The following CPLANE1 variants were observed in gnomAD, a reference collection of about 807,000 sequenced individuals.
CPLANE1 encodes the protein ciliogenesis and planar polarity effector complex subunit 1, also known as ciliogenesis and planar polarity effector 1.
In CPLANE1, 263 loss-of-function variants were observed where a neutral mutation model predicts 362.5. That is an observed-to-expected ratio of 0.73 (90% CI 0.66 to 0.80). CPLANE1 has a LOEUF of 0.80. Among genes scored for constraint, CPLANE1 ranks in the 30% least tolerant of loss-of-function variants. The probability of loss-of-function intolerance (pLI) is 0.00; values close to 1 mark genes in which losing one functional copy is unlikely to be tolerated. For missense variants in CPLANE1, 3,461 were observed against 3,793.4 expected (o/e 0.91, Z 2.30); for synonymous variants, 1,212 against 1,302.6 (o/e 0.93, Z 1.50).
chr5:37,167,355 A>C (rs941628806), intron 34 of CPLANE1, 142 bp from the exon 35 acceptor site: 1 of 684,870 alleles, frequency 1.5e-6, no homozygotes, highest in Non-Finnish European at 2.4e-6. Context: ...AAATTGATTT[A>C]AACTGGCAAT....
chr5:37,222,396 C>T (rs1241939207), intron 14 of CPLANE1, among the ~76,000 whole-genome samples: 1 of 152,058 alleles, frequency 6.6e-6, no homozygotes, highest in Admixed American at 6.6e-5. Flanking sequence ...TAGGTAATGG[C>T]CTTAAGATTG....
chr5:37,189,559 C>T (rs992425707), intron 21 of CPLANE1, among the ~76,000 whole-genome samples: 2 of 152,220 alleles, frequency 1.3e-5, no homozygotes, highest in African/African-American at 4.8e-5. Context: ...AGTGCAGCAA[C>T]ATACTAAACA....
At chr5:37,165,240 A>T (rs1777928645) in intron 36 of CPLANE1, among the ~76,000 whole-genome samples, 1 of 152,194 alleles carries the variant, frequency 6.6e-6, no homozygotes, top group Non-Finnish European at 1.5e-5. Flanking sequence ...CAAATAACAT[A>T]ATATATATAT....
chr5:37,245,658 A>C (rs1739391568), intron 3 of CPLANE1, 52 bp downstream of exon 3: 2 of 1,479,970 alleles, frequency 1.4e-6, no homozygotes, highest in South Asian at 2.8e-5. Context: ...CATCACCCTA[A>C]GTTATTAAAA....
At chr5:37,076,253 C>CA in the CPLANE1 span, among the ~76,000 whole-genome samples, 7 of 138,764 alleles carry the variant, frequency 5.0e-5, no homozygotes, top group Non-Finnish European at 7.8e-5. Flanking sequence ...GACCCTGTCT[C>CA]AAAAAAAAAA....
rs539014152 is a variant in CPLANE1, at chr5:37,174,575, A to T, written c.5979-628T>A. Among the ~76,000 whole-genome samples, 1,212 of 151,822 alleles carry T rather than the reference A, an allele frequency of 8.0e-3. 18 individuals carry two copies. The highest frequency in any genetic ancestry group is 0.028 in the African/African-American group (1,156 of 41,404). ...AGCAAGGTGTTTAGGTTTTTTTTTT[A>T]AAAAAACAAAATGACTGTTGGGGGA... On this transcript the variant is annotated intron_variant, in intron 31 of 52. Transcript: ENST00000651892.
chr5:37,088,016 G>T, the CPLANE1 span, among the ~76,000 whole-genome samples: 1 of 152,206 alleles, frequency 6.6e-6, no homozygotes. Context: ...TGCTCCAAGG[G>T]AGGGGTCCTC....
At chr5:37,104,086 T>A (rs2149824689), downstream of CPLANE1, among the ~76,000 whole-genome samples, 1 of 152,356 alleles carries the variant, frequency 6.6e-6, no homozygotes, top group East Asian at 1.9e-4. Context: ...TCTTTATTTT[T>A]GTCTGCATGT....
chr5:37,076,631 C>CT, the CPLANE1 span, among the ~76,000 whole-genome samples: 1 of 151,972 alleles, frequency 6.6e-6, no homozygotes, highest in Non-Finnish European at 1.5e-5. Flanking sequence ...TCTTGCCACT[C>CT]ACCAATCAGA....
chr5:37,169,343 C>A lies in CPLANE1; in HGVS notation c.6681G>T (p.Leu2227Phe). ...ATTCTTGTTTAGACTTAAATTGAAG[C>A]AAAGGAAAGCCATCACCAGGACTAA... ...KTFSPGDGFP[L>F]LQFKSKQEFQ... is the part of the protein sequence containing the mutation. The change falls in exon 34 of 53, where the codon TTG (leucine) becomes TTT (phenylalanine). Residue 2227 changes from leucine to phenylalanine, a missense_variant. This residue lies in a region of CPLANE1 where 3,380 missense variants were observed against 3,666.1 expected (regional missense o/e 0.92). Coordinates refer to ENST00000651892, the MANE Select transcript of CPLANE1 (RefSeq NM_001384732.1). 6.2e-7 allele frequency: 1 copy of A among 1,614,114 alleles called. No homozygotes were observed. The highest frequency in any genetic ancestry group is 8.5e-7 in the Non-Finnish European group (1 of 1,180,010).
At chr5:37,116,115 C>T (rs548496250) in intron 50 of CPLANE1, among the ~76,000 whole-genome samples, 47 of 151,746 alleles carry the variant, frequency 3.1e-4, no homozygotes, top group African/African-American at 1.1e-3. Flanking sequence ...GGCAAGACTC[C>T]GTCTCTACGA....
the CPLANE1 span, among the ~76,000 whole-genome samples, chr5:37,095,036 C>T: frequency 4.6e-5 from 7 of 152,166 alleles, no homozygotes; most frequent in Non-Finnish European, 1.0e-4. Context: ...CCTATTGACA[C>T]TATTCCACAA....
the CPLANE1 span, among the ~76,000 whole-genome samples, chr5:37,099,544 T>C: frequency 3.3e-5 from 5 of 152,220 alleles, no homozygotes; most frequent in South Asian, 4.1e-4. Context: ...AGTCTATCAT[T>C]GATGGGCATT....
At chr5:37,247,391 T>G (rs1027647395) in intron 2 of CPLANE1, among the ~76,000 whole-genome samples, 2 of 152,208 alleles carry the variant, frequency 1.3e-5, no homozygotes, top group Non-Finnish European at 2.9e-5. Context: ...AGTAAAAATC[T>G]TCTAAATAAA....
chr5:37,208,504 C>T (rs1009825078), intron 16 of CPLANE1, among the ~76,000 whole-genome samples: 1 of 152,104 alleles, frequency 6.6e-6, no homozygotes, highest in African/African-American at 2.4e-5. Flanking sequence ...GGTGAAACCC[C>T]GTCTCCACTA....
intron 25 of CPLANE1, among the ~76,000 whole-genome samples, chr5:37,184,315 T>C (rs1320490366): frequency 1.3e-5 from 2 of 152,082 alleles, no homozygotes; most frequent in Non-Finnish European, 2.9e-5. Context: ...CTTAGTTCCC[T>C]CAGTAAGAGA....
At chr5:37,232,051 C>T (rs1299253048) in intron 8 of CPLANE1, among the ~76,000 whole-genome samples, 1 of 152,048 alleles carries the variant, frequency 6.6e-6, no homozygotes, top group East Asian at 1.9e-4. Context: ...TCTGAAAATG[C>T]ATAGAACAGC....
intron 27 of CPLANE1, 107 bp from the exon 28 acceptor site, chr5:37,180,290 G>T: frequency 1.7e-6 from 1 of 589,672 alleles, no homozygotes; most frequent in Non-Finnish European, 2.6e-6. Flanking sequence ...GTCTCGCCCA[G>T]GCTGGAGTGC....
At chr5:37,242,909 C>A in intron 6 of CPLANE1, 104 bp downstream of exon 6, 1 of 699,628 alleles carries the variant, frequency 1.4e-6, no homozygotes, top group Non-Finnish European at 2.4e-6. Context: ...GGAGGCTGAG[C>A]TATGATTGTG....
Sources: allele counts gnomAD v4.1 joint callset (sites outside exome capture counted in the v4.1 genomes callset), GRCh38; gene constraint gnomAD v4.1.1; regional missense constraint gnomAD v4.1.1; transcripts MANE v1.5; gene names NCBI Gene and HGNC (gene_info 2026-07-23, HGNC 2026-07-21).